TSNARE1: variants seen among roughly 807,000 people sequenced by gnomAD.
The protein encoded by TSNARE1 is t-SNARE domain containing 1.
Under a neutral mutation model 62.0 loss-of-function variants are expected in TSNARE1, and 49 were observed. The ratio of observed to expected loss-of-function variants is 0.79; its 90% CI spans 0.63 to 1.00. TSNARE1 has a LOEUF of 1.00. Ranked by LOEUF, TSNARE1 falls within the 50% of genes least tolerant of loss-of-function variation. The pLI is 0.00. For synonymous variants in TSNARE1, 328 were observed against 294.4 expected (o/e 1.11, Z -1.17); for missense variants, 755 against 700.1 (o/e 1.08, Z -0.88).
chr8:142,347,325 G>A (rs1325522070), intron 2 of TSNARE1, among the ~76,000 whole-genome samples: 1 of 152,240 alleles, frequency 6.6e-6, no homozygotes, highest in Non-Finnish European at 1.5e-5. Flanking sequence ...CACTGACCAA[G>A]GCCCGGAGGG....
chr8:142,228,341 C>A (rs1030837762), intron 13 of TSNARE1, among the ~76,000 whole-genome samples: 1 of 152,222 alleles, frequency 6.6e-6, no homozygotes, highest in Non-Finnish European at 1.5e-5. Flanking sequence ...ACACTAAGGG[C>A]CTTCCCATGT....
chr8:142,240,068 AT>A (rs1390189454), intron 12 of TSNARE1, among the ~76,000 whole-genome samples: 1 of 152,200 alleles, frequency 6.6e-6, no homozygotes, highest in Non-Finnish European at 1.5e-5. Context: ...GACACATGGG[AT>A]TTTTTTAAAT....
chr8:142,389,862 A>G (rs184360582), intron 1 of TSNARE1, among the ~76,000 whole-genome samples: 1 of 152,344 alleles, frequency 6.6e-6, no homozygotes, highest in Admixed American at 6.5e-5. Flanking sequence ...CAATCTGAGG[A>G]CTGTATCATT....
At chr8:142,326,721 A>G (rs924180184) in intron 6 of TSNARE1, among the ~76,000 whole-genome samples, 3 of 152,214 alleles carry the variant, frequency 2.0e-5, no homozygotes, top group African/African-American at 4.8e-5. Flanking sequence ...GGCCCTGGAG[A>G]GCATGGGCTG....
chr8:142,219,040 C>G (rs926538894), intron 13 of TSNARE1, among the ~76,000 whole-genome samples: 7 of 152,176 alleles, frequency 4.6e-5, no homozygotes, highest in Non-Finnish European at 8.8e-5. Flanking sequence ...CCTTGTGTCC[C>G]ACTGAAGTCT....
At chr8:142,232,239 C>T (rs1817153905) in intron 12 of TSNARE1, among the ~76,000 whole-genome samples, 1 of 152,260 alleles carries the variant, frequency 6.6e-6, no homozygotes, top group Admixed American at 6.5e-5. Context: ...AAGCACTCCC[C>T]TGGGCCTCTA....
At position 142,378,188 on chromosome 8, in the gene TSNARE1, C is replaced by T. The variant is rs968773399; in HGVS notation, c.-39-23425G>A. ...CCCAGGACACAGGACAAACCCTGGT[C>T]TGTCCACACACGGGAACACCGCTCA... On this transcript the variant is annotated intron_variant, in intron 1 of 13. Coordinates refer to ENST00000524325, the MANE Select transcript of TSNARE1 (RefSeq NM_145003.5). Among the ~76,000 whole-genome samples the T allele has an allele frequency of 2.0e-4, 31 of 152,238 alleles. 1 individual carries two copies. Among genetic ancestry groups the T allele is most frequent in the Admixed American group, 5.2e-4 (8 of 15,288 alleles).
intron 1 of TSNARE1, among the ~76,000 whole-genome samples, chr8:142,375,986 C>T (rs1416711027): frequency 6.6e-6 from 1 of 152,162 alleles, no homozygotes; most frequent in East Asian, 1.9e-4. Flanking sequence ...ATGGGTACAA[C>T]AGAGGCCCCT....
At chr8:142,354,535 G>T in intron 2 of TSNARE1, 102 bp downstream of exon 2, 2 of 806,418 alleles carry the variant, frequency 2.5e-6, no homozygotes, top group Non-Finnish European at 4.0e-6. Flanking sequence ...TTCCTCAAAA[G>T]AACAGAACTG....
intron 12 of TSNARE1, among the ~76,000 whole-genome samples, chr8:142,261,734 C>T (rs976981404): frequency 5.9e-5 from 9 of 152,172 alleles, no homozygotes; most frequent in African/African-American, 2.2e-4. Flanking sequence ...TGCCAAACCA[C>T]GAGCTCCGAC....
intron 10 of TSNARE1, among the ~76,000 whole-genome samples, chr8:142,299,635 GCACT>G (rs1351954935): frequency 1.3e-5 from 2 of 152,018 alleles, no homozygotes; most frequent in African/African-American, 2.4e-5. Context: ...GCACACACAC[GCACT>G]CACGCACGCA....
At chr8:142,214,132 C>T (rs955016329) in intron 13 of TSNARE1, among the ~76,000 whole-genome samples, 1 of 152,212 alleles carries the variant, frequency 6.6e-6, no homozygotes, top group Non-Finnish European at 1.5e-5. Context: ...CCGACTCTGA[C>T]ATAGCCAAGG....
intron 1 of TSNARE1, among the ~76,000 whole-genome samples, chr8:142,360,288 T>A (rs1394957861): frequency 2.0e-5 from 3 of 151,740 alleles, no homozygotes; most frequent in Admixed American, 6.6e-5. Context: ...GGACGAGGCA[T>A]GAGGGGGACA....
intron 1 of TSNARE1, among the ~76,000 whole-genome samples, chr8:142,368,371 G>A (rs1026959042): frequency 1.3e-5 from 2 of 152,186 alleles, no homozygotes; most frequent in Non-Finnish European, 2.9e-5. Flanking sequence ...AACTAGAGAA[G>A]TGAAATTTAT....
At chr8:142,366,812 C>CA (rs1563990862) in intron 1 of TSNARE1, among the ~76,000 whole-genome samples, 1 of 151,844 alleles carries the variant, frequency 6.6e-6, no homozygotes, top group South Asian at 2.1e-4. Context: ...ACATTAAAAA[C>CA]AAAAAAAGAA....
chr8:142,305,187 G>A (rs951222803), intron 9 of TSNARE1, among the ~76,000 whole-genome samples: 4 of 152,198 alleles, frequency 2.6e-5, no homozygotes, highest in Non-Finnish European at 4.4e-5. Flanking sequence ...CGTTCTGTGC[G>A]ATGTTCCCTG....
At chr8:142,367,470 C>A (rs1354188356) in intron 1 of TSNARE1, among the ~76,000 whole-genome samples, 1 of 145,650 alleles carries the variant, frequency 6.9e-6, no homozygotes, top group South Asian at 2.1e-4. Context: ...ATGAGAGGTC[C>A]GCAAGACGCA....
At chr8:142,326,181 G>A (rs368771273) in intron 6 of TSNARE1, 2 of 166,424 alleles carry the variant, frequency 1.2e-5, no homozygotes, top group East Asian at 2.1e-4. Context: ...CGGAGAGCAC[G>A]AGACGGATGA....
At chr8:142,348,367 C>A (rs1833650495) in intron 2 of TSNARE1, among the ~76,000 whole-genome samples, 1 of 152,186 alleles carries the variant, frequency 6.6e-6, no homozygotes, top group Admixed American at 6.5e-5. Flanking sequence ...TGAGTCAGCA[C>A]TCGCACAAAT....
Sources: gnomAD v4.1 joint callset for allele counts (sites outside exome capture counted in the v4.1 genomes callset) on GRCh38, gnomAD v4.1.1 for gene constraint, MANE v1.5 for transcripts, NCBI Gene and HGNC (gene_info 2026-07-23, HGNC 2026-07-21) for gene names.